EXOC6B: variants seen among roughly 807,000 people sequenced by gnomAD.
The protein encoded by EXOC6B is SEC15 homolog B.
In EXOC6B, 54 loss-of-function variants were observed where a neutral mutation model predicts 113.5. The observed-to-expected ratio is 0.48, with a 90% CI of 0.38 to 0.60. The LOEUF (loss-of-function observed/expected upper bound fraction) is 0.60, where lower values mean the gene tolerates loss of function less well. Among genes scored for constraint, EXOC6B ranks in the 20% least tolerant of loss-of-function variants. The probability of loss-of-function intolerance (pLI) is 0.00; values close to 1 mark genes in which losing one functional copy is unlikely to be tolerated. For synonymous variants in EXOC6B, 357 were observed against 339.0 expected, an observed-to-expected ratio of 1.05 and a Z score of -0.58; for missense variants, 797 against 977.5, an observed-to-expected ratio of 0.82 and a Z score of 2.46.
At chr2:72,553,882 A>G (rs1173446760) in intron 8 of EXOC6B, among the ~76,000 whole-genome samples, 1 of 152,172 alleles carries the variant, frequency 6.6e-6, no homozygotes, top group Non-Finnish European at 1.5e-5. Context: ...ATTTGAAAAG[A>G]GCCTCTATTG....
chr2:72,351,239 T>C (rs1287366263), intron 19 of EXOC6B, among the ~76,000 whole-genome samples: 1 of 152,230 alleles, frequency 6.6e-6, no homozygotes, highest in Non-Finnish European at 1.5e-5. Context: ...TACTGATGCC[T>C]ACAAAGAAAA....
At chr2:72,314,472 A>C (rs1268977124) in intron 20 of EXOC6B, among the ~76,000 whole-genome samples, 1 of 152,198 alleles carries the variant, frequency 6.6e-6, no homozygotes, top group African/African-American at 2.4e-5. Flanking sequence ...TCTCACTGCC[A>C]GTTGTGACAG....
chr2:72,220,693 ATTTAC>A (rs947153079), intron 20 of EXOC6B, among the ~76,000 whole-genome samples: 5 of 152,148 alleles, frequency 3.3e-5, no homozygotes, highest in Non-Finnish European at 7.3e-5. Context: ...TTTGAAATCA[ATTTAC>A]TTTATAAGAA....
Position 72,566,771 on chromosome 2 carries a change from T to C in EXOC6B, c.847-7250A>G, listed in dbSNP as rs189414400. 2.9e-4 allele frequency among the ~76,000 whole-genome samples: 44 copies of C among 152,194 alleles called. 1 individual carries two copies. The East Asian group carries it at 8.1e-3, about 28-fold the overall frequency. On this transcript the variant is annotated intron_variant, in intron 7 of 21. Transcript: ENST00000272427. ...TTTAATAAGAAAACATTGGAAATCA[T>C]TTAGTGTCCATGTATAGATTAGCTG...
chr2:72,265,085 G>C (rs1683980265), intron 20 of EXOC6B, among the ~76,000 whole-genome samples: 1 of 151,894 alleles, frequency 6.6e-6, no homozygotes, highest in Non-Finnish European at 1.5e-5. Flanking sequence ...AAGACAGGAA[G>C]ACATGGAACG....
chr2:72,443,336 A>C (rs1249282330), intron 18 of EXOC6B, among the ~76,000 whole-genome samples: 3 of 151,114 alleles, frequency 2.0e-5, no homozygotes, highest in African/African-American at 7.3e-5. Context: ...AAAAAAAAAA[A>C]AGAAAGAAAG....
At chr2:72,228,657 G>A (rs1176667842) in intron 20 of EXOC6B, among the ~76,000 whole-genome samples, 1 of 152,104 alleles carries the variant, frequency 6.6e-6, no homozygotes. Context: ...TCTTAATCCA[G>A]TCTAACATTG....
At chr2:72,784,271 C>T (rs1216238195) in intron 1 of EXOC6B, among the ~76,000 whole-genome samples, 1 of 152,176 alleles carries the variant, frequency 6.6e-6, no homozygotes, top group African/African-American at 2.4e-5. Context: ...TAAAATCAGG[C>T]TGTGTGATGC....
At chr2:72,502,305 T>C (rs1573271322) in intron 11 of EXOC6B, among the ~76,000 whole-genome samples, 1 of 152,192 alleles carries the variant, frequency 6.6e-6, no homozygotes, top group Non-Finnish European at 1.5e-5. Context: ...CCTGGCTCTT[T>C]GGGAGACCAA....
At chr2:72,189,292 T>A (rs1241425200) in intron 20 of EXOC6B, among the ~76,000 whole-genome samples, 1 of 152,208 alleles carries the variant, frequency 6.6e-6, no homozygotes, top group Non-Finnish European at 1.5e-5. Context: ...CCTCCATTTT[T>A]TCCCAGTTTG....
intron 21 of EXOC6B, chr2:72,182,841 A>T (rs1678176977): frequency 3.4e-6 from 4 of 1,183,038 alleles, no homozygotes; most frequent in Non-Finnish European, 4.2e-6. Flanking sequence ...TGAGGAAACC[A>T]GAAGGACTTG....
At chr2:72,600,238 C>G (rs1027664159) in intron 6 of EXOC6B, among the ~76,000 whole-genome samples, 1 of 151,914 alleles carries the variant, frequency 6.6e-6, no homozygotes, top group Non-Finnish European at 1.5e-5. Context: ...CCCAGGAGTT[C>G]GAGACCAACT....
At chr2:72,411,739 G>A (rs1694202609) in intron 18 of EXOC6B, among the ~76,000 whole-genome samples, 1 of 152,112 alleles carries the variant, frequency 6.6e-6, no homozygotes, top group Non-Finnish European at 1.5e-5. Context: ...ATGCAAAATA[G>A]CTCAGTAGGT....
intron 18 of EXOC6B, among the ~76,000 whole-genome samples, chr2:72,405,099 G>T (rs1485048911): frequency 6.6e-6 from 1 of 152,200 alleles, no homozygotes; most frequent in Non-Finnish European, 1.5e-5. Context: ...CTGGAAGAAA[G>T]GGTATCAGTG....
At chr2:72,393,359 G>T (rs1692509157) in intron 18 of EXOC6B, among the ~76,000 whole-genome samples, 1 of 152,072 alleles carries the variant, frequency 6.6e-6, no homozygotes, top group African/African-American at 2.4e-5. Context: ...CTCTCAAAGT[G>T]CTGGGATTAC....
chr2:72,514,361 G>C (rs1283797038), intron 10 of EXOC6B, among the ~76,000 whole-genome samples: 1 of 151,728 alleles, frequency 6.6e-6, no homozygotes, highest in Non-Finnish European at 1.5e-5. Context: ...AGTGTAATAA[G>C]ATTACAATTC....
intron 20 of EXOC6B, among the ~76,000 whole-genome samples, chr2:72,286,506 G>T (rs1685430831): frequency 6.6e-6 from 1 of 152,192 alleles, no homozygotes; most frequent in Admixed American, 6.5e-5. Context: ...AGAAGGGAAT[G>T]AAGAGGTGGA....
chr2:72,754,713 A>T (rs930463976), intron 1 of EXOC6B, among the ~76,000 whole-genome samples: 7 of 149,958 alleles, frequency 4.7e-5, no homozygotes, highest in African/African-American at 1.7e-4. Flanking sequence ...TTCTGGGCTT[A>T]AGGGACCCTC....
chr2:72,747,873 C>A (rs943163360), intron 1 of EXOC6B, among the ~76,000 whole-genome samples: 1 of 152,020 alleles, frequency 6.6e-6, no homozygotes, highest in Non-Finnish European at 1.5e-5. Context: ...ATCATTTTTA[C>A]AGAATTTATT....
Sources: gnomAD v4.1 joint callset for allele counts (sites outside exome capture counted in the v4.1 genomes callset) on GRCh38, gnomAD v4.1.1 for gene constraint, MANE v1.5 for transcripts, NCBI Gene and HGNC (gene_info 2026-07-23, HGNC 2026-07-21) for gene names.